Variants in RNF180 observed in about 807,000 individuals in gnomAD.
RNF180 encodes the protein E3 ubiquitin-protein ligase RNF180.
Under a neutral mutation model 59.2 loss-of-function variants are expected in RNF180, and 38 were observed. The ratio of observed to expected loss-of-function variants is 0.64; its 90% confidence interval spans 0.50 to 0.84. The LOEUF (loss-of-function observed/expected upper bound fraction) is 0.84. Ranked by LOEUF, RNF180 falls within the 40% of genes least tolerant of loss-of-function variation. The pLI, the probability that RNF180 is intolerant of heterozygous loss-of-function variation, is 0.00. For missense variants in RNF180, 705 were observed against 700.9 expected (o/e 1.01, Z -0.07); for synonymous variants, 262 against 240.3 (o/e 1.09, Z -0.84).
chr5:64,238,100 T>C (rs1742562810), intron 5 of RNF180, among the ~76,000 whole-genome samples: 1 of 152,240 alleles, frequency 6.6e-6, no homozygotes, highest in African/African-American at 2.4e-5. Context: ...AGTATATGAC[T>C]TTCCATGACT....
At chr5:64,165,360 TG>T (rs201560382), upstream of RNF180, among the ~76,000 whole-genome samples, 1,040 of 152,104 alleles carry the variant, frequency 6.8e-3, 13 homozygotes, top group African/African-American at 0.022. Flanking sequence ...TGCACATCGG[TG>T]GAACTTTAGG....
At chr5:64,172,323 C>CT (rs768690681) in intron 1 of RNF180, among the ~76,000 whole-genome samples, 1 of 152,100 alleles carries the variant, frequency 6.6e-6, no homozygotes, top group Non-Finnish European at 1.5e-5. Context: ...AAGCAGGGGG[C>CT]TGGGGGTTGT....
chr5:64,205,289 T>C (rs896919729), intron 2 of RNF180, among the ~76,000 whole-genome samples: 1 of 152,154 alleles, frequency 6.6e-6, no homozygotes, highest in Non-Finnish European at 1.5e-5. Flanking sequence ...ATCCAGCCAC[T>C]GGCATGCTGT....
chr5:64,235,793 A>C (rs1287000946), intron 5 of RNF180, among the ~76,000 whole-genome samples: 3 of 152,102 alleles, frequency 2.0e-5, no homozygotes, highest in Non-Finnish European at 4.4e-5. Flanking sequence ...TGGTTGTTTA[A>C]TGTGTCTGGA....
intron 5 of RNF180, among the ~76,000 whole-genome samples, chr5:64,311,855 G>T (rs1301520990): frequency 6.6e-6 from 1 of 151,934 alleles, no homozygotes; most frequent in East Asian, 1.9e-4. Flanking sequence ...TTGTCTCCCT[G>T]AGGATAGGGT....
chr5:64,207,029 G>T (rs778458761), intron 2 of RNF180, among the ~76,000 whole-genome samples: 7 of 151,620 alleles, frequency 4.6e-5, no homozygotes, highest in African/African-American at 1.7e-4. Context: ...GAAGAGAAAT[G>T]GTATGTCCTT....
chr5:64,326,052 A>G (rs1744620120), intron 6 of RNF180, among the ~76,000 whole-genome samples: 1 of 152,186 alleles, frequency 6.6e-6, no homozygotes, highest in Non-Finnish European at 1.5e-5. Flanking sequence ...GCTAAATATT[A>G]GGTGGGAAAT....
intron 5 of RNF180, among the ~76,000 whole-genome samples, chr5:64,307,696 T>C (rs7724684): frequency 0.34 from 50,947 of 151,608 alleles, 9,593 homozygotes; most frequent in African/African-American, 0.52. Flanking sequence ...GTGCTCAGAA[T>C]GCGTTCATTA....
intron 1 of RNF180, among the ~76,000 whole-genome samples, chr5:64,197,087 A>G (rs1751490681): frequency 6.6e-6 from 1 of 152,246 alleles, no homozygotes; most frequent in African/African-American, 2.4e-5. Flanking sequence ...TACTGTGTCA[A>G]ATGCTGGTAT....
chr5:64,257,566 G>A (rs1429158744), intron 5 of RNF180, among the ~76,000 whole-genome samples: 6 of 152,178 alleles, frequency 3.9e-5, no homozygotes. Flanking sequence ...CTTGATCATG[G>A]TGGATAAGCT....
chr5:64,199,979 C>T (rs1376030508), intron 1 of RNF180, among the ~76,000 whole-genome samples: 1 of 152,090 alleles, frequency 6.6e-6, no homozygotes, highest in East Asian at 1.9e-4. Flanking sequence ...GAGACTTTGT[C>T]GCTTTCAGGA....
intron 5 of RNF180, among the ~76,000 whole-genome samples, chr5:64,260,961 A>G (rs889925499): frequency 2.3e-5 from 3 of 130,834 alleles, no homozygotes; most frequent in Admixed American, 7.6e-5. Context: ...TTTTGGCTGT[A>G]TTTTGGGTTG....
intron 5 of RNF180, among the ~76,000 whole-genome samples, chr5:64,317,145 T>C (rs1007989255): frequency 1.3e-5 from 2 of 152,084 alleles, no homozygotes; most frequent in African/African-American, 4.8e-5. Context: ...TATATATGTG[T>C]GTGCGTGTGT....
At chr5:64,210,175 G>A (rs1304314760) in intron 2 of RNF180, among the ~76,000 whole-genome samples, 1 of 152,078 alleles carries the variant, frequency 6.6e-6, no homozygotes, top group African/African-American at 2.4e-5. Flanking sequence ...GACACTCTTA[G>A]GTGTGTCCCA....
Position 64,282,113 on chromosome 5 carries a change from A to C in RNF180, c.1228-43073A>C, listed in dbSNP as rs371010981. Among the ~76,000 whole-genome samples, 6 of 151,956 alleles carry C rather than the reference A, an allele frequency of 3.9e-5. 1 individual carries two copies. The East Asian group carries it at 7.7e-4, about 20-fold the overall frequency. The stretch of plus-strand genomic sequence containing the variant: ...CTCCTCAATTTTTTGGAATAGTTTC[A>C]TTAGTAATGGTACCAGCTCCTCTTC... On this transcript the variant is annotated intron_variant, in intron 5 of 7. Coordinates refer to ENST00000389100, the MANE Select transcript of RNF180 (RefSeq NM_001113561.2).
intron 5 of RNF180, among the ~76,000 whole-genome samples, chr5:64,314,673 T>G (rs949367869): frequency 1.3e-5 from 2 of 152,176 alleles, no homozygotes; most frequent in African/African-American, 4.8e-5. Context: ...GATAATAAAC[T>G]ATTGCATGTT....
chr5:64,216,814 A>G (rs1752655858), intron 4 of RNF180, among the ~76,000 whole-genome samples: 2 of 152,192 alleles, frequency 1.3e-5, no homozygotes, highest in African/African-American at 4.8e-5. Context: ...TTTTTTATCC[A>G]GCATAGTCCT....
At chr5:64,244,070 A>G (rs1742996452) in intron 5 of RNF180, among the ~76,000 whole-genome samples, 1 of 152,202 alleles carries the variant, frequency 6.6e-6, no homozygotes, top group African/African-American at 2.4e-5. Context: ...ACGTTCACGT[A>G]GAAACCCCAT....
intron 7 of RNF180, among the ~76,000 whole-genome samples, chr5:64,362,025 A>T (rs1470426330): frequency 6.6e-6 from 1 of 151,464 alleles, no homozygotes; most frequent in African/African-American, 2.4e-5. Flanking sequence ...AGAAATTAGA[A>T]ATTTAAAATT....
Sources: allele counts gnomAD v4.1 joint callset (sites outside exome capture counted in the v4.1 genomes callset), GRCh38; gene constraint gnomAD v4.1.1; transcripts MANE v1.5; gene names NCBI Gene and HGNC (gene_info 2026-07-23, HGNC 2026-07-21).